The following GASK1B variants were observed in gnomAD, a reference collection of about 807,000 sequenced individuals.
The protein encoded by GASK1B is golgi associated kinase 1B.
GASK1B carries 34 observed loss-of-function variants against 42.8 expected under a neutral mutation model. The observed-to-expected ratio is 0.79, with a 90% CI of 0.60 to 1.06. The LOEUF (loss-of-function observed/expected upper bound fraction) is 1.06, where lower values mean the gene tolerates loss of function less well. Ranked by LOEUF, GASK1B falls within the 50% of genes least tolerant of loss-of-function variation. GASK1B has a pLI of 0.00. For missense variants in GASK1B, 686 were observed against 661.0 expected (o/e 1.04, Z -0.42); for synonymous variants, 262 against 259.1 (o/e 1.01, Z -0.11).
chr4:158,143,348 T>C (rs1205860532), intron 3 of GASK1B, among the ~76,000 whole-genome samples: 1 of 152,224 alleles, frequency 6.6e-6, no homozygotes, highest in Non-Finnish European at 1.5e-5. Context: ...GTTCTAAAAA[T>C]TTAAACTTTA....
intron 2 of GASK1B, chr4:158,170,136 A>G: frequency 1.7e-6 from 2 of 1,205,552 alleles, no homozygotes; most frequent in South Asian, 3.0e-5. Context: ...CCTCCAGCCT[A>G]GCTTCCTCTC....
intron 3 of GASK1B, among the ~76,000 whole-genome samples, chr4:158,145,755 T>C (rs1263925451): frequency 6.6e-6 from 1 of 152,208 alleles, no homozygotes; most frequent in African/African-American, 2.4e-5. Context: ...CATCTTTTAT[T>C]ACCAGCACTA....
At chr4:158,131,123 A>G in intron 3 of GASK1B, 111 bp from the exon 4 acceptor site, 2 of 846,348 alleles carry the variant, frequency 2.4e-6, no homozygotes. Context: ...CCAGAATCTA[A>G]GAGGGCCAGG....
intron 3 of GASK1B, among the ~76,000 whole-genome samples, chr4:158,146,869 G>T (rs568361535): frequency 7.2e-5 from 11 of 152,272 alleles, no homozygotes; most frequent in African/African-American, 2.6e-4. Context: ...TTTTTGTCTA[G>T]GCAGTTTATA....
At chr4:158,163,707 C>T (rs888133581) in intron 2 of GASK1B, among the ~76,000 whole-genome samples, 7 of 151,894 alleles carry the variant, frequency 4.6e-5, no homozygotes, top group African/African-American at 1.7e-4. Flanking sequence ...CCCTATTATG[C>T]TAATAAAATA....
At chr4:158,154,461 A>G (rs981274645) in intron 3 of GASK1B, among the ~76,000 whole-genome samples, 2 of 152,178 alleles carry the variant, frequency 1.3e-5, no homozygotes, top group African/African-American at 4.8e-5. Flanking sequence ...AGATTCCTTA[A>G]AGAACTAAAA....
At chr4:158,127,668 C>A in intron 4 of GASK1B, 54 bp from the exon 5 acceptor site, 1 of 1,452,856 alleles carries the variant, frequency 6.9e-7, no homozygotes, top group South Asian at 1.2e-5. Context: ...AATAGTACTC[C>A]TTACCCAACT....
intron 2 of GASK1B, among the ~76,000 whole-genome samples, chr4:158,164,452 A>G (rs929486530): frequency 4.6e-5 from 7 of 152,166 alleles, no homozygotes; most frequent in African/African-American, 1.7e-4. Context: ...GTGAGCAAAT[A>G]AGAGGACACT....
chr4:158,139,979 T>G (rs6832099), intron 3 of GASK1B, among the ~76,000 whole-genome samples: 133,961 of 152,210 alleles, frequency 0.88, 60,188 homozygotes, highest in East Asian at 0.98. Context: ...TAATAGATTT[T>G]CATTGCTTCA....
At chr4:158,140,748 G>T (rs1731083550) in intron 3 of GASK1B, among the ~76,000 whole-genome samples, 1 of 152,132 alleles carries the variant, frequency 6.6e-6, no homozygotes, top group African/African-American at 2.4e-5. Flanking sequence ...ATCTCAAATG[G>T]TTATTTATGA....
At chr4:158,137,533 C>T (rs976084992) in intron 3 of GASK1B, among the ~76,000 whole-genome samples, 30 of 152,114 alleles carry the variant, frequency 2.0e-4, no homozygotes, top group African/African-American at 7.2e-4. Flanking sequence ...TTGATGAAAA[C>T]CACTGTATGG....
rs182839758 is a variant in GASK1B at position 158,134,540 on chromosome 4, T to A, written c.1126-3528A>T. Among the ~76,000 whole-genome samples, 47 of 152,284 alleles carry A rather than the reference T, an allele frequency of 3.1e-4. No homozygotes were observed. The East Asian group carries it at 7.5e-3, about 24-fold the overall frequency. Reference sequence around the variant, plus strand: ...ACAGGAATGTCTTTTCCAAAACTAATCTTCTGCATCTTAAAATACTGCCAA... The same window carrying A: ...ACAGGAATGTCTTTTCCAAAACTAAACTTCTGCATCTTAAAATACTGCCAA... On this transcript the variant is annotated intron_variant, in intron 3 of 4. Coordinates refer to ENST00000585682, the MANE Select transcript of GASK1B (RefSeq NM_001128424.2).
At position 158,171,331 on chromosome 4, in the gene GASK1B, G is replaced by A. The variant is rs1245977115; in HGVS notation, c.45C>T (p.Ile15=). Residue 15 remains isoleucine (I), a synonymous_variant, in exon 2 of 5, where the codon ATC becomes ATT. Coordinates refer to ENST00000585682, the MANE Select transcript of GASK1B (RefSeq NM_001128424.2). ...DKPGQLINWF[I]CSLCVPRVRK... Reference sequence around the variant, plus strand: ...GCACCCGCGGGACGCACAGGGAGCAGATGAACCAGTTTATGAGCTGCCCCG... The same window carrying A: ...GCACCCGCGGGACGCACAGGGAGCAAATGAACCAGTTTATGAGCTGCCCCG... 4 of 1,610,536 alleles carry A rather than the reference G, an allele frequency of 2.5e-6. No individual in the cohort carries two copies. The highest frequency in any genetic ancestry group is 3.4e-6 in the Non-Finnish European group (4 of 1,177,994).
At chr4:158,168,911 A>G (rs948566014) in intron 2 of GASK1B, 3 of 152,160 alleles carry the variant, frequency 2.0e-5, no homozygotes, top group East Asian at 1.9e-4. Flanking sequence ...TGTTGTCCCA[A>G]TGCCCACCAG....
intron 3 of GASK1B, among the ~76,000 whole-genome samples, chr4:158,143,231 G>A (rs1215565748): frequency 1.3e-5 from 2 of 152,166 alleles, no homozygotes; most frequent in Non-Finnish European, 2.9e-5. Flanking sequence ...TAACAAGATG[G>A]ATTATGAGCT....
intron 3 of GASK1B, among the ~76,000 whole-genome samples, chr4:158,151,733 T>C (rs1353993972): frequency 6.6e-6 from 1 of 152,128 alleles, no homozygotes; most frequent in Non-Finnish European, 1.5e-5. Context: ...ACAACCCTCC[T>C]AGATTGAACT....
In GASK1B at chr4:158,171,471, G is replaced by T; in HGVS notation, c.-96C>A. 1 of 1,377,220 alleles carries T rather than the reference G, an allele frequency of 7.3e-7. No homozygotes were observed. Among genetic ancestry groups the T allele is most frequent in the Non-Finnish European group, 9.6e-7 (1 of 1,038,594 alleles). 85.3% of individuals were successfully genotyped at this position (1,377,220 alleles called of 1,614,324 possible). A position where few individuals can be genotyped will look rare whatever the true frequency, so the allele number is the denominator to read the frequency against. On this transcript the variant is annotated 5_prime_UTR_variant, in exon 2 of 5. Transcript: ENST00000585682. ...TTTCCTGACTTCAGCTGCCGCGTCC[G>T]CTTCGGGATATAAGTGGTCTCCAGT...
At chr4:158,149,536 C>T (rs551258882) in intron 3 of GASK1B, among the ~76,000 whole-genome samples, 1 of 152,146 alleles carries the variant, frequency 6.6e-6, no homozygotes, top group East Asian at 1.9e-4. Flanking sequence ...AGCTTCAAAC[C>T]TCAAGGTCCA....
chr4:158,166,879 T>C (rs1014603768), intron 2 of GASK1B, among the ~76,000 whole-genome samples: 2 of 152,106 alleles, frequency 1.3e-5, no homozygotes, highest in African/African-American at 4.8e-5. Context: ...AAGGATTTGT[T>C]GAGGGACGCA....
Sources: allele counts gnomAD v4.1 joint callset (sites outside exome capture counted in the v4.1 genomes callset), GRCh38; gene constraint gnomAD v4.1.1; transcripts MANE v1.5; gene names NCBI Gene and HGNC (gene_info 2026-07-23, HGNC 2026-07-21).